Variants in ZDHHC14 observed in about 807,000 individuals in gnomAD.
The protein encoded by ZDHHC14 is palmitoyltransferase ZDHHC14.
Under a neutral mutation model 47.7 loss-of-function variants are expected in ZDHHC14, and 16 were observed. The observed-to-expected ratio is 0.34, with a 90% CI of 0.23 to 0.51. ZDHHC14 has a LOEUF of 0.51. Among genes scored for constraint, ZDHHC14 ranks in the 20% least tolerant of loss-of-function variants. ZDHHC14 has a pLI of 0.97. For synonymous variants in ZDHHC14, 293 were observed against 278.9 expected (o/e 1.05, Z -0.50); for missense variants, 515 against 662.5 (o/e 0.78, Z 2.44).
chr6:157,655,077 C>T lies in ZDHHC14; in HGVS notation c.1068+1450C>T, dbSNP rs146554930. 1.9e-4 allele frequency among the ~76,000 whole-genome samples: 29 copies of T among 152,248 alleles called. No homozygotes were observed. The East Asian group carries it at 4.5e-3, about 23-fold the overall frequency. The stretch of plus-strand genomic sequence containing the variant: ...AGTATGTTTACTTCAAGGTCCTTGC[C>T]GCTCCACTGTGTAAGGGATTTGGGG... On this transcript the variant is annotated intron_variant, in intron 8 of 8. Coordinates refer to ENST00000359775, the MANE Select transcript of ZDHHC14 (RefSeq NM_024630.3).
intron 2 of ZDHHC14, among the ~76,000 whole-genome samples, chr6:157,566,194 G>A (rs941726773): frequency 6.6e-6 from 1 of 152,110 alleles, no homozygotes; most frequent in African/African-American, 2.4e-5. Flanking sequence ...AAGCTCTATT[G>A]CGAGTCAACT....
chr6:157,425,197 C>G (rs1276801997), intron 1 of ZDHHC14, among the ~76,000 whole-genome samples: 2 of 152,152 alleles, frequency 1.3e-5, no homozygotes, highest in African/African-American at 4.8e-5. Flanking sequence ...GTTTCATTTA[C>G]TGTTAATTTC....
At chr6:157,450,412 G>C (rs753598445) in intron 1 of ZDHHC14, among the ~76,000 whole-genome samples, 11 of 151,718 alleles carry the variant, frequency 7.3e-5, no homozygotes, top group Non-Finnish European at 1.6e-4. Flanking sequence ...ACATTCGGGA[G>C]GCTGAGGCAG....
At chr6:157,387,238 A>T (rs987303041) in intron 1 of ZDHHC14, among the ~76,000 whole-genome samples, 6 of 152,096 alleles carry the variant, frequency 3.9e-5, no homozygotes, top group African/African-American at 1.4e-4. Flanking sequence ...TCTGAAAAAA[A>T]AAAACAGTGA....
Position 157,416,972 on chromosome 6 carries a change from GT to G in ZDHHC14, c.245+34735del, listed in dbSNP as rs71027335. Reference sequence around the variant, plus strand: ...AGGTGCCCGCCACCATGCCTGGCTAGTTTTTTTTTTTTTTTTTTTTTTTTTT... The same window carrying G: ...AGGTGCCCGCCACCATGCCTGGCTAGTTTTTTTTTTTTTTTTTTTTTTTTT... On this transcript the variant is annotated intron_variant, in intron 1 of 8. Coordinates refer to ENST00000359775, the MANE Select transcript of ZDHHC14 (RefSeq NM_024630.3). 7.1e-3 allele frequency among the ~76,000 whole-genome samples: 323 copies of G among 45,522 alleles called. 1 individual carries two copies. The highest frequency in any genetic ancestry group is 0.033 in the African/African-American group (299 of 9,026). The allele number at this position is 45,522 out of a possible 152,430, so 29.9% of individuals were successfully genotyped here. A position where few individuals can be genotyped will look rare whatever the true frequency, so the allele number is the denominator to read the frequency against.
chr6:157,543,904 A>C (rs1781864197), intron 2 of ZDHHC14, among the ~76,000 whole-genome samples: 1 of 152,206 alleles, frequency 6.6e-6, no homozygotes, highest in African/African-American at 2.4e-5. Context: ...CATAATTTTA[A>C]GGCTCACATT....
intron 1 of ZDHHC14, among the ~76,000 whole-genome samples, chr6:157,446,305 C>T (rs968368396): frequency 6.6e-6 from 1 of 152,198 alleles, no homozygotes; most frequent in Non-Finnish European, 1.5e-5. Context: ...CACATAGCCA[C>T]ATGCAATCCA....
intron 1 of ZDHHC14, among the ~76,000 whole-genome samples, chr6:157,398,252 G>T (rs1777563372): frequency 6.6e-6 from 1 of 152,202 alleles, no homozygotes; most frequent in South Asian, 2.1e-4. Context: ...TGCCCAGCAG[G>T]CTGGATGGGC....
intron 4 of ZDHHC14, chr6:157,631,723 C>T (rs1442986484): frequency 6.6e-6 from 1 of 152,220 alleles, no homozygotes; most frequent in Non-Finnish European, 1.5e-5. Context: ...AATTAGGGTG[C>T]AGTAGACAAA....
intron 1 of ZDHHC14, among the ~76,000 whole-genome samples, chr6:157,531,784 C>G (rs1447592200): frequency 6.6e-6 from 1 of 152,256 alleles, no homozygotes; most frequent in African/African-American, 2.4e-5. Flanking sequence ...TAGACTTGTT[C>G]TCCAGCTCTG....
At chr6:157,456,099 C>T (rs1343955566) in intron 1 of ZDHHC14, among the ~76,000 whole-genome samples, 1 of 152,166 alleles carries the variant, frequency 6.6e-6, no homozygotes, top group Non-Finnish European at 1.5e-5. Flanking sequence ...GTTATGAAAA[C>T]ACATCCTTTC....
chr6:157,643,637 A>T (rs1336633422), intron 5 of ZDHHC14, among the ~76,000 whole-genome samples: 1 of 129,978 alleles, frequency 7.7e-6, no homozygotes, highest in Non-Finnish European at 1.6e-5. Flanking sequence ...AACAAAAGCA[A>T]AACTTCATCT....
In ZDHHC14 at chr6:157,526,708, C is replaced by G. The variant is rs112742979; in HGVS notation, c.246-15877C>G. Among the ~76,000 whole-genome samples the G allele has an allele frequency of 4.9e-3, 741 of 152,296 alleles. 5 individuals are homozygous for G. Among genetic ancestry groups the G allele is most frequent in the African/African-American group, 0.017 (711 of 41,568 alleles). On this transcript the variant is annotated intron_variant, in intron 1 of 8. Transcript: ENST00000359775. ...CATGGCCCTACGTCTGTGCTAGTCT[C>G]AGGGTGGCCTCTGTGCTCCTGCCTA...
At position 157,677,464 on chromosome 6, in the gene ZDHHC14, G is replaced by A. The variant is rs145834460; in HGVS notation, c.*4342G>A. 6.6e-6 allele frequency: 1 copy of A among 151,978 alleles called. No individual in the cohort carries two copies. Among genetic ancestry groups the A allele is most frequent in the Non-Finnish European group, 1.5e-5 (1 of 67,986 alleles). The allele number at this position is 151,978 out of a possible 1,614,324, so 9.4% of individuals were successfully genotyped here. A position where few individuals can be genotyped will look rare whatever the true frequency, so the allele number is the denominator to read the frequency against. ...AGCCAAGATGGATTTTCACATGTAA[G>A]GTGTTAGTCCATTAATCCAGCCATT... On this transcript the variant is annotated 3_prime_UTR_variant, in exon 9 of 9. Coordinates refer to ENST00000359775, the MANE Select transcript of ZDHHC14 (RefSeq NM_024630.3).
At position 157,460,405 on chromosome 6, in the gene ZDHHC14, GAA is replaced by G. The variant is rs1164382844; in HGVS notation, c.245+78168_245+78169del. ...CAGAGCCAGACTCACTCTCTCTCTG[GAA>G]AAAAAAAAAAAAAAAAAAAAAAAAA... is the stretch of plus-strand genomic sequence containing the variant. On this transcript the variant is annotated intron_variant, in intron 1 of 8. Coordinates refer to ENST00000359775, the MANE Select transcript of ZDHHC14 (RefSeq NM_024630.3). Among the ~76,000 whole-genome samples, 146 of 43,356 alleles carry G rather than the reference GAA, an allele frequency of 3.4e-3. 1 individual carries two copies. Among genetic ancestry groups the G allele is most frequent in the African/African-American group, 0.012 (129 of 10,534 alleles). The allele number at this position is 43,356 out of a possible 152,430, so 28.4% of individuals were successfully genotyped here.
At chr6:157,527,854 G>A (rs772634054) in intron 1 of ZDHHC14, among the ~76,000 whole-genome samples, 24 of 152,148 alleles carry the variant, frequency 1.6e-4, no homozygotes, top group African/African-American at 4.8e-4. Context: ...AATGTATGAC[G>A]CAAGCCTAAG....
chr6:157,606,537 G>A (rs1320502923), intron 3 of ZDHHC14, among the ~76,000 whole-genome samples: 3 of 152,202 alleles, frequency 2.0e-5, no homozygotes, highest in African/African-American at 7.2e-5. Context: ...ATTAGAAGAT[G>A]CCAGAAGTAT....
At chr6:157,485,334 G>C (rs1295054427) in intron 1 of ZDHHC14, among the ~76,000 whole-genome samples, 1 of 152,158 alleles carries the variant, frequency 6.6e-6, no homozygotes, top group African/African-American at 2.4e-5. Flanking sequence ...CCCCTGGGAG[G>C]CAGTTTTGTT....
At chr6:157,583,185 T>G (rs1289836245) in intron 2 of ZDHHC14, among the ~76,000 whole-genome samples, 2 of 152,128 alleles carry the variant, frequency 1.3e-5, no homozygotes, top group Non-Finnish European at 2.9e-5. Context: ...TCAATCATCT[T>G]TTTTGCTATC....
Sources: gnomAD v4.1 joint callset for allele counts (sites outside exome capture counted in the v4.1 genomes callset) on GRCh38, gnomAD v4.1.1 for gene constraint, MANE v1.5 for transcripts, NCBI Gene and HGNC (gene_info 2026-07-23, HGNC 2026-07-21) for gene names.